GYS2: variants seen among roughly 807,000 people sequenced by gnomAD.
The protein encoded by GYS2 is glycogen [starch] synthase, liver.
GYS2 carries 80 observed loss-of-function variants against 85.6 expected under a neutral mutation model. That is an observed-to-expected ratio of 0.93 (90% CI 0.78 to 1.13). GYS2 has a LOEUF of 1.13. GYS2 is among the 50% of genes most tolerant of loss of function. GYS2 has a pLI of 0.00. For synonymous variants in GYS2, 328 were observed against 300.7 expected (o/e 1.09, Z -0.94); for missense variants, 881 against 854.9 (o/e 1.03, Z -0.38).
intron 12 of GYS2, among the ~76,000 whole-genome samples, chr12:21,543,641 T>G (rs952219724): frequency 6.6e-6 from 1 of 152,094 alleles, no homozygotes; most frequent in African/African-American, 2.4e-5. Flanking sequence ...GTTCGTTACA[T>G]AGGTATACAT....
chr12:21,553,380 A>C (rs1431514390), intron 11 of GYS2, among the ~76,000 whole-genome samples: 1 of 152,242 alleles, frequency 6.6e-6, no homozygotes. Flanking sequence ...TTCTTTATAG[A>C]TCTGCCAACC....
Position 21,565,551 on chromosome 12 carries a change from T to C in GYS2, c.824-2206A>G, listed in dbSNP as rs1046643261. Reference sequence around the variant, plus strand: ...ATATACAAATAACCTAAAATCATAGTAAAATGTAGTAAAATAACCAGGAAA... The same window carrying C: ...ATATACAAATAACCTAAAATCATAGCAAAATGTAGTAAAATAACCAGGAAA... On this transcript the variant is annotated intron_variant, in intron 5 of 15. Coordinates refer to ENST00000261195, the MANE Select transcript of GYS2 (RefSeq NM_021957.4). Among the ~76,000 whole-genome samples the C allele has an allele frequency of 3.3e-5, 5 of 149,466 alleles. No individual in the cohort carries two copies. The East Asian group carries it at 9.8e-4, about 29-fold the overall frequency.
At chr12:21,579,308 C>CATGTGTAG (rs1269954964) in intron 2 of GYS2, among the ~76,000 whole-genome samples, 1 of 151,388 alleles carries the variant, frequency 6.6e-6, no homozygotes, top group African/African-American at 2.4e-5. Context: ...AGCCACATTC[C>CATGTGTAG]ATGTGTAGTT....
intron 13 of GYS2, among the ~76,000 whole-genome samples, chr12:21,540,979 G>C (rs1261748214): frequency 3.9e-5 from 6 of 152,076 alleles, no homozygotes; most frequent in Non-Finnish European, 7.4e-5. Context: ...ACCCATAAAA[G>C]ACTGAGGGAA....
At chr12:21,541,040 A>G (rs920976921) in intron 13 of GYS2, among the ~76,000 whole-genome samples, 1 of 152,054 alleles carries the variant, frequency 6.6e-6, no homozygotes, top group Non-Finnish European at 1.5e-5. Flanking sequence ...TGGGAGGCAG[A>G]GGTGGGTGGA....
At chr12:21,563,616 CAATAAT>C (rs1944282369) in intron 5 of GYS2, among the ~76,000 whole-genome samples, 1 of 152,088 alleles carries the variant, frequency 6.6e-6, no homozygotes, top group East Asian at 1.9e-4. Flanking sequence ...TAATCAATAA[CAATAAT>C]AATGGTTATT....
intron 13 of GYS2, among the ~76,000 whole-genome samples, chr12:21,541,284 AAAAAAAAC>A (rs1303482381): frequency 9.6e-5 from 14 of 145,354 alleles, no homozygotes; most frequent in East Asian, 5.9e-4. Context: ...AAAAAAAAAA[AAAAAAAAC>A]AAAAAACCCA....
chr12:21,561,201 A>C (rs1944249147), intron 7 of GYS2, among the ~76,000 whole-genome samples: 1 of 152,244 alleles, frequency 6.6e-6, no homozygotes, highest in Non-Finnish European at 1.5e-5. Context: ...TGAGAGGTTA[A>C]ATATTTTCTC....
Position 21,558,907 on chromosome 12 carries a change from A to G in GYS2, c.1308+184T>C, listed in dbSNP as rs560796024. Among the ~76,000 whole-genome samples the G allele has an allele frequency of 4.6e-5, 7 of 152,310 alleles. No individual in the cohort carries two copies. The South Asian group carries it at 1.5e-3, about 32-fold the overall frequency. On this transcript the variant is annotated intron_variant, in intron 10 of 15. Coordinates refer to ENST00000261195, the MANE Select transcript of GYS2 (RefSeq NM_021957.4). The stretch of plus-strand genomic sequence containing the variant: ...AGGACAAGTTTCATGAGATGTTTTA[A>G]AGGAGCTCTTAAAACCACTAATGAA...
chr12:21,594,558 A>G (rs988784467), intron 1 of GYS2, among the ~76,000 whole-genome samples: 4 of 152,184 alleles, frequency 2.6e-5, no homozygotes, highest in Admixed American at 6.6e-5. Context: ...AAAAACCTCT[A>G]TTCGGAAAAC....
At chr12:21,562,651 TGG>T in intron 7 of GYS2, among the ~76,000 whole-genome samples, 1 of 10,498 alleles carries the variant, frequency 9.5e-5, no homozygotes, top group Non-Finnish European at 2.5e-4. Context: ...AAGGGGAGAA[TGG>T]GATAAGCTTA....
Position 21,604,694 on chromosome 12 carries a change from T to C in GYS2, c.-102A>G. 1 of 1,582,552 alleles carries C rather than the reference T, an allele frequency of 6.3e-7. No homozygotes were observed. Among genetic ancestry groups the C allele is most frequent in the Non-Finnish European group, 8.6e-7 (1 of 1,161,138 alleles). On this transcript the variant is annotated 5_prime_UTR_variant, in exon 1 of 16. Transcript: ENST00000261195. ...GCACAAAAGTTAGAGTTGGTAGAGT[T>C]ACCAGGCTTTGGTAGCTTCTCTTGG...
At chr12:21,581,703 T>C (rs61926863) in intron 1 of GYS2, among the ~76,000 whole-genome samples, 49,067 of 152,034 alleles carry the variant, frequency 0.32, 9,741 homozygotes, top group South Asian at 0.56. Context: ...ACACTTTGGA[T>C]CCAGCAAGTC....
chr12:21,559,930 G>C (rs982137378), intron 8 of GYS2, among the ~76,000 whole-genome samples: 1 of 152,174 alleles, frequency 6.6e-6, no homozygotes, highest in Non-Finnish European at 1.5e-5. Context: ...CCAGCACAAA[G>C]AGCTTAAAAT....
In GYS2 at chr12:21,553,074, G is replaced by T. The variant is rs1273692693; in HGVS notation, c.1422+5126C>A. On this transcript the variant is annotated intron_variant, in intron 11 of 15. Transcript: ENST00000261195. ...CTATTTATGAATTCTTTTTGAGATG[G>T]GGTCCCACTCTGTCGCTCAGGCTAG... Among the ~76,000 whole-genome samples the T allele has an allele frequency of 2.0e-5, 3 of 152,274 alleles. No homozygotes were observed. In the East Asian group the frequency reaches 5.8e-4, roughly 29 times the overall value.
rs1385598199 is a variant in GYS2 at position 21,604,746 on chromosome 12, T to G, written c.-154A>C. On this transcript the variant is annotated 5_prime_UTR_variant, in exon 1 of 16. Transcript: ENST00000261195. Reference sequence around the variant, plus strand: ...AATAAACTAGTAGCATGAAATCTTATGTGCTTCCCACAGAATTCCTGGTGG... The same window carrying G: ...AATAAACTAGTAGCATGAAATCTTAGGTGCTTCCCACAGAATTCCTGGTGG... 4.8e-6 allele frequency: 7 copies of G among 1,458,690 alleles called. No homozygotes were observed. The South Asian group carries it at 8.0e-5, about 17-fold the overall frequency. The allele number at this position is 1,458,690 out of a possible 1,614,324, so 90.4% of individuals were successfully genotyped here.
intron 4 of GYS2, 23 bp from the exon 5 acceptor site, chr12:21,569,032 A>T: frequency 6.2e-7 from 1 of 1,613,468 alleles, no homozygotes. Context: ...AAAATAAAAC[A>T]CACATTTGCT....
chr12:21,540,015 A>G (rs1871130), intron 14 of GYS2, among the ~76,000 whole-genome samples: 108,200 of 152,204 alleles, frequency 0.71, 39,083 homozygotes, highest in East Asian at 0.79. Flanking sequence ...TTGAAAAACC[A>G]TATTATACCC....
intron 1 of GYS2, among the ~76,000 whole-genome samples, chr12:21,596,839 A>G (rs1307937785): frequency 1.3e-5 from 2 of 152,172 alleles, no homozygotes; most frequent in African/African-American, 4.8e-5. Flanking sequence ...ATGATCATTT[A>G]CCTTTAAAAC....
Sources: gnomAD v4.1 joint callset for allele counts (sites outside exome capture counted in the v4.1 genomes callset) on GRCh38, gnomAD v4.1.1 for gene constraint, MANE v1.5 for transcripts, NCBI Gene and HGNC (gene_info 2026-07-23, HGNC 2026-07-21) for gene names.